The following PIEZO2 variants were observed in gnomAD, a reference collection of about 807,000 sequenced individuals.
The protein encoded by PIEZO2 is piezo type mechanosensitive ion channel component 2.
In PIEZO2, 172 loss-of-function variants were observed where a neutral mutation model predicts 337.3. The observed-to-expected ratio is 0.51, with a 90% CI of 0.45 to 0.58. The LOEUF is 0.58. Ranked by LOEUF, PIEZO2 falls within the 20% of genes least tolerant of loss-of-function variation. The pLI, the probability that PIEZO2 is intolerant of heterozygous loss-of-function variation, is 0.00. For missense variants in PIEZO2, 3,028 were observed against 3,391.3 expected (o/e 0.89, Z 2.66); for synonymous variants, 1,251 against 1,228.5 (o/e 1.02, Z -0.38).
At chr18:10,946,499 A>C (rs2033030480) in intron 3 of PIEZO2, among the ~76,000 whole-genome samples, 1 of 152,194 alleles carries the variant, frequency 6.6e-6, no homozygotes, top group Non-Finnish European at 1.5e-5. Flanking sequence ...AACAGGGTTG[A>C]GCAAGGAGCT....
At chr18:10,717,998 AC>A (rs2036083679) in intron 37 of PIEZO2, among the ~76,000 whole-genome samples, 1 of 152,180 alleles carries the variant, frequency 6.6e-6, no homozygotes, top group Non-Finnish European at 1.5e-5. Context: ...ATTTTATCCA[AC>A]TGCATAAAGT....
chr18:11,005,880 C>T (rs1342565339), intron 2 of PIEZO2, among the ~76,000 whole-genome samples: 1 of 152,246 alleles, frequency 6.6e-6, no homozygotes, highest in African/African-American at 2.4e-5. Flanking sequence ...AGCAGTGACT[C>T]ATCTACAAAG....
At chr18:11,107,063 T>G (rs1304980212) in intron 1 of PIEZO2, among the ~76,000 whole-genome samples, 1 of 152,152 alleles carries the variant, frequency 6.6e-6, no homozygotes, top group African/African-American at 2.4e-5. Context: ...CTTTCTCTGA[T>G]CTCAATGACC....
At position 10,801,405 on chromosome 18, in the gene PIEZO2, G is replaced by A; in HGVS notation, c.1224C>T (p.Asp408=). 1.3e-6 allele frequency: 2 copies of A among 1,506,180 alleles called. No individual in the cohort carries two copies. The highest frequency in any genetic ancestry group is 1.8e-6 in the Non-Finnish European group (2 of 1,118,290). 93.3% of individuals were successfully genotyped at this position (1,506,180 alleles called of 1,614,324 possible). A position where few individuals can be genotyped will look rare whatever the true frequency, so the allele number is the denominator to read the frequency against. The change falls in exon 10 of 56, where the codon GAC becomes GAT. Residue 408 remains aspartate (D), a synonymous_variant. Transcript: ENST00000674853. Reference sequence around the variant, plus strand: ...GTATACTAACATCAGATGGTTTGTAGTCATCCTGGGTCATGGATAAAAGCT... The same window carrying A: ...GTATACTAACATCAGATGGTTTGTAATCATCCTGGGTCATGGATAAAAGCT... ...ERKLLSMTQD[D]YKPSDGLLVT...
chr18:11,074,309 C>T (rs2038451970), intron 1 of PIEZO2, among the ~76,000 whole-genome samples: 1 of 152,182 alleles, frequency 6.6e-6, no homozygotes. Context: ...TACCTTCATC[C>T]TCTGGCAGCA....
rs1449270961 is a variant in PIEZO2 at position 10,833,537 on chromosome 18, T to C, written c.917+21816A>G. On this transcript the variant is annotated intron_variant, in intron 7 of 55. Coordinates refer to ENST00000674853, the MANE Select transcript of PIEZO2 (RefSeq NM_001378183.1). This position sits in a 1 kb window ranked among gnomAD's most constrained non-coding sequence, Gnocchi z 4.7. ...GTTGGAGTTCAGAATAACCCGTCTG[T>C]GCCCCCAGTTACTACAAGGATGAGA... Among the ~76,000 whole-genome samples the C allele has an allele frequency of 6.6e-6, 1 of 152,160 alleles. No homozygotes were observed. The highest frequency in any genetic ancestry group is 2.4e-5 in the African/African-American group (1 of 41,434).
rs1035558059 is a variant in PIEZO2, at chr18:10,859,270, A to G, written c.493-2059T>C. 1.3e-5 allele frequency among the ~76,000 whole-genome samples: 2 copies of G among 152,162 alleles called. No individual in the cohort carries two copies. Among genetic ancestry groups the G allele is most frequent in the Non-Finnish European group, 2.9e-5 (2 of 68,026 alleles). On this transcript the variant is annotated intron_variant, in intron 5 of 55. Transcript: ENST00000674853. The surrounding 1 kb of genome is among the most constrained non-coding windows in gnomAD (Gnocchi z 4.9). ...TGGTGGCATGTGCAGAAAGAGGGTAAGTGTCCCCAGGCCCGTGGCCACTTC... is the reference window on the plus strand; with the variant it reads ...TGGTGGCATGTGCAGAAAGAGGGTAGGTGTCCCCAGGCCCGTGGCCACTTC...
At chr18:10,845,935 T>TA (rs369788222) in intron 7 of PIEZO2, among the ~76,000 whole-genome samples, 9 of 152,230 alleles carry the variant, frequency 5.9e-5, no homozygotes, top group African/African-American at 2.2e-4. Flanking sequence ...CTTATACCAT[T>TA]AAGCCTCACT....
At chr18:10,905,414 T>C (rs2043150383) in intron 4 of PIEZO2, among the ~76,000 whole-genome samples, 1 of 151,932 alleles carries the variant, frequency 6.6e-6, no homozygotes, top group South Asian at 2.1e-4. Context: ...AGAAACCCTG[T>C]CCCTACTAAA....
intron 4 of PIEZO2, among the ~76,000 whole-genome samples, chr18:10,886,399 TATATATATATATATATATATATATGTA>T (rs2042599163): frequency 2.1e-5 from 1 of 47,106 alleles, no homozygotes; most frequent in African/African-American, 1.2e-4. Context: ...TATATATATA[TATATATATATATATATATATATATGTA>T]ATCTCCAGCA....
intron 23 of PIEZO2, among the ~76,000 whole-genome samples, chr18:10,761,759 T>A (rs1918676): frequency 0.57 from 87,021 of 151,988 alleles, 25,645 homozygotes; most frequent in African/African-American, 0.71. Context: ...TGATGAAAAA[T>A]CTAGAAGGTC....
chr18:11,013,905 A>G (rs1383389606), intron 2 of PIEZO2, among the ~76,000 whole-genome samples: 3 of 152,174 alleles, frequency 2.0e-5, no homozygotes, highest in African/African-American at 4.8e-5. Context: ...AGGTCGTTCA[A>G]ATACATAGTT....
chr18:10,855,569 A>G lies in PIEZO2; in HGVS notation c.704-3T>C, dbSNP rs762788496. The G allele has an allele frequency of 9.4e-5, 144 of 1,530,006 alleles. No homozygotes were observed. The Middle Eastern group carries it at 1.2e-3, about 12-fold the overall frequency. 94.8% of individuals were successfully genotyped at this position (1,530,006 alleles called of 1,614,324 possible). ...TGTCAAAGACGGCAACATCATGCCT[A>G]AGGAAGAGAAACGTAATCACAAAGT... On this transcript the variant is annotated splice_polypyrimidine_tract_variant and splice_region_variant and intron_variant, in intron 6 of 55. Coordinates refer to ENST00000674853, the MANE Select transcript of PIEZO2 (RefSeq NM_001378183.1). The surrounding 1 kb of genome is among the most constrained non-coding windows in gnomAD (Gnocchi z 4.9).
chr18:10,832,738 G>T (rs748527486), intron 7 of PIEZO2, among the ~76,000 whole-genome samples: 2 of 152,164 alleles, frequency 1.3e-5, no homozygotes, highest in Non-Finnish European at 2.9e-5. Context: ...ACCCGCCCAG[G>T]ATTATGTGAT....
intron 40 of PIEZO2, among the ~76,000 whole-genome samples, chr18:10,706,791 T>C (rs1452199332): frequency 6.6e-6 from 1 of 152,206 alleles, no homozygotes; most frequent in African/African-American, 2.4e-5. Context: ...AAAACCCACC[T>C]GGAGATTGGG....
Position 10,797,535 on chromosome 18 carries a change from ATACTT to A in PIEZO2, c.1379-18_1379-14del, listed in dbSNP as rs748960848. Reference sequence around the variant, plus strand: ...TCCTCTCGCTTTTCTAGATGGACGAATACTTTATTTAACTATTTATGCAAACATGT... The same window carrying A: ...TCCTCTCGCTTTTCTAGATGGACGAATATTTAACTATTTATGCAAACATGT... On this transcript the variant is annotated splice_polypyrimidine_tract_variant and intron_variant, in intron 11 of 55. Transcript: ENST00000674853. 1.2e-5 allele frequency: 18 copies of A among 1,535,686 alleles called. No homozygotes were observed. The South Asian group carries it at 2.1e-4, about 18-fold the overall frequency.
chr18:10,696,092 A>T lies in PIEZO2; in HGVS notation c.7172T>A (p.Leu2391Ter). The stretch of plus-strand genomic sequence containing the variant: ...ACCTTACCTCTCAGTCACACCAGGT[A>T]AGATGAAGAACATCCAGAAGTGAAT... The part of the protein sequence containing the change: ...FGIHFWMFFI[L>*]PGVTERKFSQ... Residue 2391 changes from leucine (L) to a stop codon, truncating the protein, a stop_gained, in exon 47 of 56, where the codon TTA becomes TAA. Coordinates refer to ENST00000674853, the MANE Select transcript of PIEZO2 (RefSeq NM_001378183.1). LOFTEE classifies it high-confidence loss of function. 1 of 1,614,036 alleles carries T rather than the reference A, an allele frequency of 6.2e-7. No individual in the cohort carries two copies. The highest frequency in any genetic ancestry group is 8.5e-7 in the Non-Finnish European group (1 of 1,179,840).
At position 11,127,315 on chromosome 18, in the gene PIEZO2, G is replaced by A. The variant is rs2040209808; in HGVS notation, c.64+21210C>T. Among the ~76,000 whole-genome samples the A allele has an allele frequency of 6.6e-6, 1 of 152,162 alleles. No homozygotes were observed. Among genetic ancestry groups the A allele is most frequent in the African/African-American group, 2.4e-5 (1 of 41,432 alleles). ...AAAAATAGTTGCATCTGAATGTGAT[G>A]GTTAATACTGAGTGTGAACTTGATT... On this transcript the variant is annotated intron_variant, in intron 1 of 55. Transcript: ENST00000674853. The surrounding 1 kb of genome is among the most constrained non-coding windows in gnomAD (Gnocchi z 4.5).
chr18:10,684,778 T>A (rs1425583928), intron 49 of PIEZO2, among the ~76,000 whole-genome samples: 6 of 152,212 alleles, frequency 3.9e-5, no homozygotes, highest in African/African-American at 1.4e-4. Flanking sequence ...CCCTCCCTTT[T>A]CAAAGGCATT....
Sources: gnomAD v4.1 joint callset for allele counts (sites outside exome capture counted in the v4.1 genomes callset) on GRCh38, gnomAD v4.1.1 for gene constraint, Gnocchi (gnomAD v3.1) non-coding constraint, MANE v1.5 for transcripts, NCBI Gene and HGNC (gene_info 2026-07-23, HGNC 2026-07-21) for gene names.